ACTG1: variants seen among roughly 807,000 people sequenced by gnomAD.
ACTG1 encodes the protein actin gamma 1.
Under a neutral mutation model 34.3 loss-of-function variants are expected in ACTG1, and 14 were observed. The ratio of observed to expected loss-of-function variants is 0.41; its 90% CI spans 0.27 to 0.64. The LOEUF (loss-of-function observed/expected upper bound fraction) is 0.64, where lower values mean the gene tolerates loss of function less well. ACTG1 is among the 30% of genes least tolerant of loss of function. The pLI is 0.33. For synonymous variants in ACTG1, 422 were observed against 213.9 expected (o/e 1.97, Z -8.49); for missense variants, 233 against 529.5 (o/e 0.44, Z 5.50).
chr17:81,510,998 T>C lies in ACTG1; in HGVS notation c.913A>G (p.Met305Val), dbSNP rs1555666484. Residue 305 changes from methionine to valine, a missense_variant, in exon 5 of 6, where the codon ATG becomes GTG. Met to Val is a conservative substitution (Grantham distance 21). Transcript: ENST00000573283. ...ATCCTGTCGGCAATGCCCGGGTACA[T>C]GGTGGTGCCGCCCGACAGCACCGTG... Reference protein sequence around the residue: ...ANTVLSGGTTMYPGIADRMQK... With the variant: ...ANTVLSGGTTVYPGIADRMQK... 6.2e-7 allele frequency: 1 copy of C among 1,613,812 alleles called. No individual in the cohort carries two copies. The highest frequency in any genetic ancestry group is 1.3e-5 in the African/African-American group (1 of 74,890).
chr17:81,511,863 G>C (rs781955025), intron 3 of ACTG1, 40 bp downstream of exon 3: 1 of 1,612,300 alleles, frequency 6.2e-7, no homozygotes, highest in African/African-American at 1.3e-5. Context: ...AAATGACTGG[G>C]GAAAGGACGG....
Position 81,510,084 on chromosome 17 carries a change from G to C in ACTG1, c.*606C>G. 1 of 458,164 alleles carries C rather than the reference G, an allele frequency of 2.2e-6. No homozygotes were observed. 28.4% of individuals were successfully genotyped at this position (458,164 alleles called of 1,614,324 possible). A position where few individuals can be genotyped will look rare whatever the true frequency, so the allele number is the denominator to read the frequency against. ...TGTTGTCATCTCTTCAAAGAATCGA[G>C]AATTGCGTACAAAAAAAACCTTACA... On this transcript the variant is annotated 3_prime_UTR_variant, in exon 6 of 6. Transcript: ENST00000573283.
intron 1 of ACTG1, 154 bp from the exon 2 acceptor site, chr17:81,512,514 G>C (rs1309791526): frequency 3.2e-6 from 4 of 1,267,150 alleles, no homozygotes; most frequent in Non-Finnish European, 4.5e-6. Context: ...CGAAGGCCGG[G>C]CCTTTTACGT....
intron 3 of ACTG1, 99 bp from the exon 4 acceptor site, chr17:81,511,725 GAA>G: frequency 6.6e-7 from 1 of 1,514,142 alleles, no homozygotes; most frequent in Non-Finnish European, 9.0e-7. Context: ...GATGTGTGGA[GAA>G]AAGAAAAGAA....
Position 81,511,360 on chromosome 17 carries a change from G to C in ACTG1, c.630C>G (p.Arg210=), listed in dbSNP as rs202020778. ...FTTTAEREIV[R]DIKEKLCYVA... ...CGTAGCACAGCTTCTCCTTGATGTC[G>C]CGCACGATTTCCCGCTCGGCCGTGG... The change falls in exon 4 of 6, where the codon CGC becomes CGG. Residue 210 remains arginine, a synonymous_variant. Transcript: ENST00000573283. 6.2e-7 allele frequency: 1 copy of C among 1,613,910 alleles called. No homozygotes were observed. The highest frequency in any genetic ancestry group is 8.5e-7 in the Non-Finnish European group (1 of 1,180,030).
chr17:81,512,585 C>G (rs1453482415), intron 1 of ACTG1, 149 bp downstream of exon 1: 2 of 682,482 alleles, frequency 2.9e-6, no homozygotes, highest in Non-Finnish European at 4.9e-6. Flanking sequence ...CCCGGCGCCC[C>G]CCCAGCCCCG....
chr17:81,511,157 A>G (rs782333455), intron 4 of ACTG1, 31 bp downstream of exon 4: 32 of 1,613,620 alleles, frequency 2.0e-5, no homozygotes, highest in South Asian at 1.3e-4. Context: ...CGAGGATGTA[A>G]GAGTAGAAAC....
Position 81,511,280 on chromosome 17 carries a change from T to C in ACTG1, c.710A>G (p.Glu237Gly). The part of the protein sequence containing the change: ...MATAASSSSL[E>G]KSYELPDGQV... ...GCCATCGGGCAGCTCGTAGCTCTTCTCCAGAGAAGAGGAGGATGCGGCGGT... is the reference window on the plus strand; with the variant it reads ...GCCATCGGGCAGCTCGTAGCTCTTCCCCAGAGAAGAGGAGGATGCGGCGGT... Residue 237 changes from glutamate (E) to glycine (G), a missense_variant, in exon 4 of 6, where the codon GAG becomes GGG. Transcript: ENST00000573283. 1 of 1,613,794 alleles carries C rather than the reference T, an allele frequency of 6.2e-7. No homozygotes were observed. Among genetic ancestry groups the C allele is most frequent in the Non-Finnish European group, 8.5e-7 (1 of 1,180,026 alleles).
chr17:81,512,753 C>A lies in ACTG1; in HGVS notation c.-26G>T. Reference sequence around the variant, plus strand: ...GCTCACCGGCAGAGAAACGCGACGGCGGAGCGGCGGAAGAACAGAGTGCGA... The same window carrying A: ...GCTCACCGGCAGAGAAACGCGACGGAGGAGCGGCGGAAGAACAGAGTGCGA... On this transcript the variant is annotated 5_prime_UTR_variant, in exon 1 of 6. Coordinates refer to ENST00000573283, the MANE Select transcript of ACTG1 (RefSeq NM_001614.5). 4.9e-6 allele frequency: 2 copies of A among 411,828 alleles called. No individual in the cohort carries two copies. Among genetic ancestry groups the A allele is most frequent in the Admixed American group, 2.9e-5 (1 of 35,008 alleles). The allele number at this position is 411,828 out of a possible 1,614,324, so 25.5% of individuals were successfully genotyped here. A position where few individuals can be genotyped will look rare whatever the true frequency, so the allele number is the denominator to read the frequency against.
In ACTG1 at chr17:81,510,394, A is replaced by C. The variant is rs1273533234; in HGVS notation, c.*296T>G. 4.9e-5 allele frequency: 25 copies of C among 506,544 alleles called. No individual in the cohort carries two copies. The highest frequency in any genetic ancestry group is 8.8e-5 in the Non-Finnish European group (24 of 271,898). The allele number at this position is 506,544 out of a possible 1,614,324, so 31.4% of individuals were successfully genotyped here. On this transcript the variant is annotated 3_prime_UTR_variant, in exon 6 of 6. Transcript: ENST00000573283. ...AGCCACAGACTTGTCTTCCACAAGC[A>C]CGTTCTTACCTTAGCCACGAAGTGA...
intron 1 of ACTG1, 153 bp downstream of exon 1, chr17:81,512,581 G>T: frequency 1.5e-6 from 1 of 683,712 alleles, no homozygotes; most frequent in Non-Finnish European, 2.4e-6. Flanking sequence ...GACCCCCGGC[G>T]CCCCCCCAGC....
rs140724578 is a variant in ACTG1 at position 81,512,363 on chromosome 17, G to A, written c.-6-3C>T. 4.9e-3 allele frequency: 7,883 copies of A among 1,613,926 alleles called. 28 individuals carry two copies. Among genetic ancestry groups the A allele is most frequent in the Non-Finnish European group, 5.9e-3 (6,915 of 1,179,948 alleles). On this transcript the variant is annotated splice_region_variant and splice_polypyrimidine_tract_variant and intron_variant, in intron 1 of 5. Transcript: ENST00000573283. ...GCGATCTCTTCTTCCATTGCGACCT[G>A]CCCGGAAAAGGATGGACTCAGGCGG...
rs143167427 is a variant in ACTG1, at chr17:81,510,263, CA to C, written c.*426del. ...TTCCAACCCTGACAGACCCGCAAGA[CA>C]AAACAACTGGTTCTTGCCAGCCTCT... On this transcript the variant is annotated 3_prime_UTR_variant, in exon 6 of 6. Transcript: ENST00000573283. 13 of 530,430 alleles carry C rather than the reference CA, an allele frequency of 2.5e-5. No individual in the cohort carries two copies. The highest frequency in any genetic ancestry group is 2.6e-5 in the Non-Finnish European group (8 of 303,148). 32.9% of individuals were successfully genotyped at this position (530,430 alleles called of 1,614,324 possible).
chr17:81,511,402 T>C lies in ACTG1; in HGVS notation c.588A>G (p.Arg196=), dbSNP rs1555666727. ...TDYLMKILTE[R]GYSFTTTAER... is the part of the protein sequence containing the mutation. ...CGGCCGTGGTGGTGAAGCTGTAGCCTCGCTCAGTGAGGATCTTCATGAGGT... is the reference window on the plus strand; with the variant it reads ...CGGCCGTGGTGGTGAAGCTGTAGCCCCGCTCAGTGAGGATCTTCATGAGGT... The change falls in exon 4 of 6, where the codon CGA becomes CGG. Residue 196 remains arginine (R), a synonymous_variant. Coordinates refer to ENST00000573283, the MANE Select transcript of ACTG1 (RefSeq NM_001614.5). 1 of 1,613,926 alleles carries C rather than the reference T, an allele frequency of 6.2e-7. No individual in the cohort carries two copies. Among genetic ancestry groups the C allele is most frequent in the African/African-American group, 1.3e-5 (1 of 75,060 alleles).
Position 81,511,121 on chromosome 17 carries a change from G to A in ACTG1, c.803-13C>T, listed in dbSNP as rs376658586. 23 of 1,613,822 alleles carry A rather than the reference G, an allele frequency of 1.4e-5. No individual in the cohort carries two copies. The highest frequency in any genetic ancestry group is 1.1e-4 in the African/African-American group (8 of 74,920). On this transcript the variant is annotated splice_polypyrimidine_tract_variant and intron_variant, in intron 4 of 5. Coordinates refer to ENST00000573283, the MANE Select transcript of ACTG1 (RefSeq NM_001614.5). The stretch of plus-strand genomic sequence containing the variant: ...CAAGATTCCATACCTAGGGGACAGA[G>A]CCCTCCCTTAGTGATGCTGTGTCAC...
At position 81,512,152 on chromosome 17, in the gene ACTG1, A is replaced by C. The variant is rs2031841132; in HGVS notation, c.124-10T>G. Reference sequence around the variant, plus strand: ...TGCCCACCATGACGCCCTGCAGGGGACGACCCGTCAGCCTCGCCGGCGACA... The same window carrying C: ...TGCCCACCATGACGCCCTGCAGGGGCCGACCCGTCAGCCTCGCCGGCGACA... On this transcript the variant is annotated splice_polypyrimidine_tract_variant and intron_variant, in intron 2 of 5. Transcript: ENST00000573283. 1 of 1,613,136 alleles carries C rather than the reference A, an allele frequency of 6.2e-7. No individual in the cohort carries two copies. Among genetic ancestry groups the C allele is most frequent in the African/African-American group, 1.3e-5 (1 of 74,836 alleles).
In ACTG1 at chr17:81,510,621, A is replaced by G. The variant is rs2031702246; in HGVS notation, c.*69T>C. 2 of 1,604,268 alleles carry G rather than the reference A, an allele frequency of 1.2e-6. No individual in the cohort carries two copies. Among genetic ancestry groups the G allele is most frequent in the African/African-American group, 2.7e-5 (2 of 74,824 alleles). The stretch of plus-strand genomic sequence containing the variant: ...CGTGAGGCTAGCATGAGGTGTGTGC[A>G]TTTGCCAGGGGCAAATTTCTATTCT... On this transcript the variant is annotated 3_prime_UTR_variant, in exon 6 of 6. Coordinates refer to ENST00000573283, the MANE Select transcript of ACTG1 (RefSeq NM_001614.5).
rs11549222 is a variant in ACTG1, at chr17:81,511,519, G to A, written c.471C>T (p.Asp157=). ...AGATGGGCACCGTGTGGGTGACCCC[G>A]TCTCCAGAGTCCATGACAATGCCAG... is the stretch of plus-strand genomic sequence containing the variant. The part of the protein sequence containing the change: ...RTTGIVMDSG[D]GVTHTVPIYE... Residue 157 remains aspartate (D), a synonymous_variant, in exon 4 of 6, where the codon GAC becomes GAT. Coordinates refer to ENST00000573283, the MANE Select transcript of ACTG1 (RefSeq NM_001614.5). The A allele has an allele frequency of 2.3e-3, 3,733 of 1,613,850 alleles. 9 individuals are homozygous for A. The highest frequency in any genetic ancestry group is 7.9e-3 in the Admixed American group (477 of 60,036).
rs2031662516 is a variant in ACTG1, at chr17:81,510,163, A to C, written c.*527T>G. The C allele has an allele frequency of 2.0e-6, 1 of 506,786 alleles. No individual in the cohort carries two copies. The highest frequency in any genetic ancestry group is 2.0e-5 in the African/African-American group (1 of 50,416). The allele number at this position is 506,786 out of a possible 1,614,324, so 31.4% of individuals were successfully genotyped here. A position where few individuals can be genotyped will look rare whatever the true frequency, so the allele number is the denominator to read the frequency against. On this transcript the variant is annotated 3_prime_UTR_variant, in exon 6 of 6. Transcript: ENST00000573283. ...GTAAATGCAAACCGCTTCCAACTCA[A>C]AGCAAGTAACAGCCCACGGTGTTCT...
Sources: allele counts gnomAD v4.1 joint callset, GRCh38; gene constraint gnomAD v4.1.1; transcripts MANE v1.5; gene names NCBI Gene and HGNC (gene_info 2026-07-23, HGNC 2026-07-21).